The following KLHL4 variants were observed in gnomAD, a reference collection of about 807,000 sequenced individuals.
The protein encoded by KLHL4 is kelch-like protein 4.
Under a neutral mutation model 45.8 loss-of-function variants are expected in KLHL4, and 17 were observed. The ratio of observed to expected loss-of-function variants is 0.37; its 90% CI spans 0.25 to 0.56. The LOEUF is 0.56. KLHL4 is among the 20% of genes least tolerant of loss of function. The pLI is 0.79. For synonymous variants in KLHL4, 224 were observed against 189.9 expected (o/e 1.18, Z -1.47); for missense variants, 544 against 544.9 (o/e 1.00, Z 0.02).
intron 10 of KLHL4, 38 bp downstream of exon 10, chrX:87,664,973 G>A (rs1191707871): frequency 2.3e-6 from 2 of 887,042 alleles, no homozygotes; most frequent in Admixed American, 5.9e-5. Context: ...TATATTTCAG[G>A]TTTTAAAAAG....
intron 4 of KLHL4, among the ~76,000 whole-genome samples, chrX:87,619,714 T>C (rs1448902426): frequency 1.8e-5 from 2 of 112,073 alleles, no homozygotes; most frequent in Non-Finnish European, 3.8e-5. Flanking sequence ...AATGAACTTG[T>C]CTTCCTTTTC....
At chrX:87,588,019 C>A (rs932595060) in intron 1 of KLHL4, among the ~76,000 whole-genome samples, 1 of 111,018 alleles carries the variant, frequency 9.0e-6, no homozygotes, top group Non-Finnish European at 1.9e-5. Flanking sequence ...TGTGAAGAAT[C>A]TGAAAAAGAA....
At chrX:87,559,756 C>T (rs951166881) in intron 1 of KLHL4, among the ~76,000 whole-genome samples, 1 of 108,149 alleles carries the variant, frequency 9.2e-6, no homozygotes, top group Non-Finnish European at 1.9e-5. Flanking sequence ...AAGTTGCTTA[C>T]ACTCTAGTAT....
chrX:87,525,547 A>T (rs1931092733), intron 1 of KLHL4, among the ~76,000 whole-genome samples: 1 of 111,481 alleles, frequency 9.0e-6, no homozygotes, highest in Non-Finnish European at 1.9e-5. Flanking sequence ...GAGAAATAAG[A>T]TTTTACAAGT....
At chrX:87,520,550 G>T (rs1440573549) in intron 1 of KLHL4, among the ~76,000 whole-genome samples, 1 of 112,390 alleles carries the variant, frequency 8.9e-6, no homozygotes, top group Non-Finnish European at 1.9e-5. Flanking sequence ...AGCCAACATT[G>T]TTAAAGTTAT....
chrX:87,572,680 A>C (rs1389173171), intron 1 of KLHL4, among the ~76,000 whole-genome samples: 1 of 110,634 alleles, frequency 9.0e-6, no homozygotes, highest in African/African-American at 3.3e-5. Flanking sequence ...ACTTAGCATC[A>C]ATTAGTTTCT....
chrX:87,650,966 G>A (rs1219409180), intron 9 of KLHL4, among the ~76,000 whole-genome samples: 1 of 111,539 alleles, frequency 9.0e-6, no homozygotes, highest in African/African-American at 3.3e-5. Context: ...AACAGTATGA[G>A]GGAAACTGCA....
Position 87,603,872 on chromosome X carries a change from C to T in KLHL4, c.423-10005C>T, listed in dbSNP as rs572378991. Among the ~76,000 whole-genome samples the T allele has an allele frequency of 2.0e-3, 222 of 109,941 alleles. 1 individual carries two copies. Among genetic ancestry groups the T allele is most frequent in the Non-Finnish European group, 3.4e-3 (178 of 52,608 alleles). On this transcript the variant is annotated intron_variant, in intron 1 of 10. Coordinates refer to ENST00000373119, the MANE Select transcript of KLHL4 (RefSeq NM_019117.5). ...TCACATTGTACCTTTTAACCACCCT[C>T]TCTCCACCCTCCCTTTCCCCACTGC...
At position 87,633,911 on chromosome X, in the gene KLHL4, A is replaced by G; in HGVS notation, c.1712A>G (p.Lys571Arg). The G allele has an allele frequency of 8.3e-7, 1 of 1,198,152 alleles. No individual in the cohort carries two copies. Among genetic ancestry groups the G allele is most frequent in the South Asian group, 1.8e-5 (1 of 54,432 alleles). The change falls in exon 8 of 11, where the codon AAA (lysine) becomes AGA (arginine). Residue 571 changes from lysine (K) to arginine (R), a missense_variant and splice_region_variant. Lys to Arg is a conservative substitution (Grantham distance 26). Transcript: ENST00000373119. ...GTTGGTGTTGTTGCATTAAACAACAAGTGAGTAAGTTGAAACACACATGTT... is the reference window on the plus strand; with the variant it reads ...GTTGGTGTTGTTGCATTAAACAACAGGTGAGTAAGTTGAAACACACATGTT... Reference protein sequence around the residue: ...STVGVVALNNKLYAIGGRDGS... With the variant: ...STVGVVALNNRLYAIGGRDGS...
intron 1 of KLHL4, among the ~76,000 whole-genome samples, chrX:87,574,626 A>G (rs1244482751): frequency 9.0e-6 from 1 of 111,431 alleles, no homozygotes; most frequent in Non-Finnish European, 1.9e-5. Flanking sequence ...GAAATTCATA[A>G]GTAAATAAAT....
At chrX:87,589,185 G>A (rs1220643328) in intron 1 of KLHL4, among the ~76,000 whole-genome samples, 1 of 111,710 alleles carries the variant, frequency 9.0e-6, no homozygotes, top group Non-Finnish European at 1.9e-5. Context: ...GGAGAAAAGG[G>A]AATCCTTGTA....
At chrX:87,647,498 T>C (rs1157889696) in intron 9 of KLHL4, among the ~76,000 whole-genome samples, 1 of 112,058 alleles carries the variant, frequency 8.9e-6, no homozygotes, top group Non-Finnish European at 1.9e-5. Flanking sequence ...TGCCTGTCAA[T>C]TATCAATCAA....
At chrX:87,584,678 T>TA (rs963552464) in intron 1 of KLHL4, among the ~76,000 whole-genome samples, 22 of 103,106 alleles carry the variant, frequency 2.1e-4, no homozygotes, top group African/African-American at 4.3e-4. Flanking sequence ...AAAGACAAAA[T>TA]AAAAAAAAAG....
intron 1 of KLHL4, among the ~76,000 whole-genome samples, chrX:87,549,202 A>G (rs1276392563): frequency 2.7e-5 from 3 of 111,284 alleles, no homozygotes; most frequent in Non-Finnish European, 5.7e-5. Context: ...AAAATGATCA[A>G]TTTTAAAAAG....
In KLHL4 at chrX:87,595,058, C is replaced by T. The variant is rs111908355; in HGVS notation, c.423-18819C>T. Among the ~76,000 whole-genome samples the T allele has an allele frequency of 7.6e-3, 818 of 107,786 alleles. 8 individuals carry two copies. Among genetic ancestry groups the T allele is most frequent in the African/African-American group, 0.026 (769 of 29,513 alleles). The allele number at this position is 107,786 out of a possible 115,157, so 93.6% of individuals were successfully genotyped here. A position where few individuals can be genotyped will look rare whatever the true frequency, so the allele number is the denominator to read the frequency against. On this transcript the variant is annotated intron_variant, in intron 1 of 10. Transcript: ENST00000373119. ...ATTATACTTTAAGTTTTAGGGTACA[C>T]GTGCACAACGTGCAGGTTTGTTACA... is the stretch of plus-strand genomic sequence containing the variant.
chrX:87,551,554 C>CCAAAAGAACA (rs1931818870), intron 1 of KLHL4, among the ~76,000 whole-genome samples: 1 of 85,987 alleles, frequency 1.2e-5, no homozygotes, highest in Admixed American at 1.6e-4. Flanking sequence ...CAAGGCTAAG[C>CCAAAAGAACA]ATAGATAGAT....
intron 3 of KLHL4, among the ~76,000 whole-genome samples, chrX:87,616,094 G>A (rs1464934464): frequency 5.4e-5 from 6 of 110,896 alleles, no homozygotes; most frequent in African/African-American, 2.0e-4. Flanking sequence ...CCTTTTATGA[G>A]GTGAGAAAAA....
intron 1 of KLHL4, among the ~76,000 whole-genome samples, chrX:87,563,025 C>G (rs1434604271): frequency 1.8e-5 from 2 of 111,255 alleles, no homozygotes; most frequent in East Asian, 2.9e-4. Flanking sequence ...CAAGTTGGTA[C>G]CTCTGTGAGT....
chrX:87,546,894 CT>C (rs1931695590), intron 1 of KLHL4, among the ~76,000 whole-genome samples: 1 of 112,829 alleles, frequency 8.9e-6, no homozygotes, highest in East Asian at 2.8e-4. Flanking sequence ...CCCCTTTGTT[CT>C]GTCCAATTTC....
Sources: gnomAD v4.1 joint callset for allele counts (sites outside exome capture counted in the v4.1 genomes callset) on GRCh38, gnomAD v4.1.1 for gene constraint, MANE v1.5 for transcripts, NCBI Gene and HGNC (gene_info 2026-07-23, HGNC 2026-07-21) for gene names.